The following AGBL1 variants were observed in gnomAD, a reference collection of about 807,000 sequenced individuals.
AGBL1 encodes the protein AGBL carboxypeptidase 1.
AGBL1 carries 130 observed loss-of-function variants against 118.9 expected under a neutral mutation model. The observed-to-expected ratio is 1.09, with a 90% CI of 0.95 to 1.26. The LOEUF (loss-of-function observed/expected upper bound fraction) is 1.26. Among genes scored for constraint, AGBL1 ranks in the 50% most tolerant of loss-of-function variants. The probability of loss-of-function intolerance (pLI) is 0.00; values close to 1 mark genes in which losing one functional copy is unlikely to be tolerated. For synonymous variants in AGBL1, 555 were observed against 478.9 expected, an observed-to-expected ratio of 1.16 and a Z score of -2.08; for missense variants, 1,584 against 1,298.1, an observed-to-expected ratio of 1.22 and a Z score of -3.38.
At chr15:86,695,906 A>G (rs1234064371) in intron 22 of AGBL1, among the ~76,000 whole-genome samples, 1 of 151,986 alleles carries the variant, frequency 6.6e-6, no homozygotes, top group East Asian at 1.9e-4. Context: ...CATGGTTATG[A>G]AGGTTCCTTT....
chr15:86,445,733 C>A (rs145064377), intron 18 of AGBL1, among the ~76,000 whole-genome samples: 1 of 152,308 alleles, frequency 6.6e-6, no homozygotes, highest in African/African-American at 2.4e-5. Context: ...TTATCAGGCA[C>A]AAGAGCCAGT....
At chr15:86,995,172 G>A (rs925396551) in intron 24 of AGBL1, among the ~76,000 whole-genome samples, 2 of 152,150 alleles carry the variant, frequency 1.3e-5, no homozygotes, top group African/African-American at 2.4e-5. Flanking sequence ...AAGATCGCTT[G>A]AGCCCAGGAG....
At chr15:86,403,664 C>T (rs558003907) in intron 18 of AGBL1, among the ~76,000 whole-genome samples, 105 of 152,230 alleles carry the variant, frequency 6.9e-4, no homozygotes, top group African/African-American at 2.4e-3. Flanking sequence ...CACTATAGCC[C>T]AACAAATGTA....
At chr15:86,771,801 G>T (rs2078186180) in intron 22 of AGBL1, among the ~76,000 whole-genome samples, 2 of 152,000 alleles carry the variant, frequency 1.3e-5, no homozygotes, top group African/African-American at 4.8e-5. Flanking sequence ...GGACCATTCT[G>T]CCTCTCTTAG....
rs1026412925 is a variant in AGBL1, at chr15:86,909,041, A to C, written c.*1747A>C. The stretch of plus-strand genomic sequence containing the variant: ...GGTCTAGAATGGCTGCTGAAGCATC[A>C]GTCACTGCATCTGCATCCCAGGCAG... On this transcript the variant is annotated 3_prime_UTR_variant, in exon 23 of 23. Coordinates refer to ENST00000614907, the MANE Select transcript of AGBL1 (RefSeq NM_001386094.1). The C allele has an allele frequency of 2.0e-5, 3 of 152,244 alleles. No homozygotes were observed. The highest frequency in any genetic ancestry group is 4.4e-5 in the Non-Finnish European group (3 of 68,042). 9.4% of individuals were successfully genotyped at this position (152,244 alleles called of 1,614,324 possible).
At chr15:86,344,570 G>A (rs970092892) in intron 17 of AGBL1, among the ~76,000 whole-genome samples, 1 of 151,856 alleles carries the variant, frequency 6.6e-6, no homozygotes, top group Non-Finnish European at 1.5e-5. Flanking sequence ...AGGGCTCTGA[G>A]GTTGATGGTC....
intron 22 of AGBL1, among the ~76,000 whole-genome samples, chr15:86,729,800 A>G (rs1383045044): frequency 6.6e-6 from 1 of 152,126 alleles, no homozygotes; most frequent in Admixed American, 6.5e-5. Context: ...CAGTAATGGG[A>G]TTGCTGGGTC....
rs554171817 is a variant in AGBL1, at chr15:86,217,635, C to T, written c.489-7279C>T. On this transcript the variant is annotated intron_variant, in intron 5 of 22. Transcript: ENST00000614907. Reference sequence around the variant, plus strand: ...GATGTAAAGGATAAAGTATGAGATACAGGTAAAGAAGGGGAGAAAGGCCCA... The same window carrying T: ...GATGTAAAGGATAAAGTATGAGATATAGGTAAAGAAGGGGAGAAAGGCCCA... 3.3e-5 allele frequency among the ~76,000 whole-genome samples: 5 copies of T among 152,238 alleles called. No homozygotes were observed. In the East Asian group the frequency reaches 7.7e-4, roughly 24 times the overall value.
intron 22 of AGBL1, among the ~76,000 whole-genome samples, chr15:86,732,980 C>G (rs1421727979): frequency 6.7e-6 from 1 of 148,690 alleles, no homozygotes; most frequent in Non-Finnish European, 1.5e-5. Flanking sequence ...TACATACATA[C>G]AGGAGATGGC....
At chr15:87,003,443 T>G (rs2081462444) in intron 24 of AGBL1, among the ~76,000 whole-genome samples, 1 of 151,946 alleles carries the variant, frequency 6.6e-6, no homozygotes, top group Non-Finnish European at 1.5e-5. Flanking sequence ...ATTCTCTTTT[T>G]TTGTTGTGTC....
At chr15:86,245,121 G>A (rs987964070) in intron 6 of AGBL1, among the ~76,000 whole-genome samples, 1 of 152,038 alleles carries the variant, frequency 6.6e-6, no homozygotes, top group Non-Finnish European at 1.5e-5. Context: ...CAAAAAATCA[G>A]TGGGGCTTAG....
At chr15:86,871,993 C>T (rs1310936884) in intron 22 of AGBL1, among the ~76,000 whole-genome samples, 2 of 152,192 alleles carry the variant, frequency 1.3e-5, no homozygotes, top group African/African-American at 4.8e-5. Context: ...CTGTGGTATT[C>T]ATATCTCCAT....
intron 22 of AGBL1, among the ~76,000 whole-genome samples, chr15:86,864,549 G>C (rs2079599774): frequency 6.6e-6 from 1 of 152,066 alleles, no homozygotes; most frequent in Non-Finnish European, 1.5e-5. Flanking sequence ...TAAATCCTGG[G>C]TCATCTTACT....
chr15:86,201,299 A>G (rs1484052710), intron 5 of AGBL1, among the ~76,000 whole-genome samples: 1 of 152,184 alleles, frequency 6.6e-6, no homozygotes, highest in Admixed American at 6.5e-5. Flanking sequence ...CCATCTCTGT[A>G]CCCTTAAGAA....
intron 7 of AGBL1, among the ~76,000 whole-genome samples, chr15:86,248,263 G>C (rs542212873): frequency 1.4e-4 from 21 of 152,328 alleles, no homozygotes; most frequent in African/African-American, 4.8e-4. Context: ...GTTGCAGTGA[G>C]CCGAGATCGC....
intron 5 of AGBL1, among the ~76,000 whole-genome samples, chr15:86,213,626 G>A (rs2141894445): frequency 6.6e-6 from 1 of 152,298 alleles, no homozygotes; most frequent in East Asian, 1.9e-4. Flanking sequence ...CCTGCCAAGT[G>A]AGGGAGCACT....
chr15:86,898,781 G>A lies in AGBL1; in HGVS notation c.3159-8306G>A, dbSNP rs142535794. Among the ~76,000 whole-genome samples, 597 of 150,682 alleles carry A rather than the reference G, an allele frequency of 4.0e-3. 4 individuals are homozygous for A. The highest frequency in any genetic ancestry group is 0.024 in the Middle Eastern group (7 of 290). On this transcript the variant is annotated intron_variant, in intron 22 of 22. Transcript: ENST00000614907. ...ACAAATAGGTGGCAAGTAAGAATAT[G>A]AAAAAAAAAGCTCAACATCACTGAT...
At chr15:86,414,342 C>A (rs2142014490) in intron 18 of AGBL1, among the ~76,000 whole-genome samples, 2 of 152,220 alleles carry the variant, frequency 1.3e-5, no homozygotes, top group Middle Eastern at 6.8e-3. Context: ...AGAGAGAATG[C>A]AAAGAGTTCT....
chr15:86,993,152 G>A (rs1470171519), intron 24 of AGBL1, among the ~76,000 whole-genome samples: 1 of 152,118 alleles, frequency 6.6e-6, no homozygotes, highest in Non-Finnish European at 1.5e-5. Context: ...AATATAAAAG[G>A]AAAGTATAAT....
Sources: allele counts gnomAD v4.1 joint callset (sites outside exome capture counted in the v4.1 genomes callset), GRCh38; gene constraint gnomAD v4.1.1; transcripts MANE v1.5; gene names NCBI Gene and HGNC (gene_info 2026-07-23, HGNC 2026-07-21).